PPP2R5A: variants seen among roughly 807,000 people sequenced by gnomAD.
The protein encoded by PPP2R5A is serine/threonine-protein phosphatase 2A 56 kDa regulatory subunit alpha isoform.
Under a neutral mutation model 64.2 loss-of-function variants are expected in PPP2R5A, and 25 were observed. The ratio of observed to expected loss-of-function variants is 0.39; its 90% CI spans 0.28 to 0.54. The LOEUF (loss-of-function observed/expected upper bound fraction) is 0.54. Ranked by LOEUF, PPP2R5A falls within the 20% of genes least tolerant of loss-of-function variation. PPP2R5A has a pLI of 0.67. For synonymous variants in PPP2R5A, 198 were observed against 201.2 expected (o/e 0.98, Z 0.13); for missense variants, 425 against 576.3 (o/e 0.74, Z 2.69).
intron 1 of PPP2R5A, among the ~76,000 whole-genome samples, chr1:212,323,229 G>A (rs955309877): frequency 2.6e-5 from 4 of 152,150 alleles, no homozygotes; most frequent in Non-Finnish European, 5.9e-5. Flanking sequence ...TTGCCTGATA[G>A]CATTACTTTC....
At chr1:212,323,225 G>A (rs1158719093) in intron 1 of PPP2R5A, among the ~76,000 whole-genome samples, 1 of 152,206 alleles carries the variant, frequency 6.6e-6, no homozygotes, top group African/African-American at 2.4e-5. Flanking sequence ...CATTTTGCCT[G>A]ATAGCATTAC....
chr1:212,351,571 G>A (rs536481120), intron 8 of PPP2R5A, among the ~76,000 whole-genome samples: 108 of 152,038 alleles, frequency 7.1e-4, no homozygotes, highest in African/African-American at 2.5e-3. Flanking sequence ...AAAATTAGCC[G>A]GGCGTGATGG....
In PPP2R5A at chr1:212,349,254, A is replaced by T. The variant is rs764368851; in HGVS notation, c.927+12A>T. 1 of 1,548,462 alleles carries T rather than the reference A, an allele frequency of 6.5e-7. No homozygotes were observed. The highest frequency in any genetic ancestry group is 8.8e-7 in the Non-Finnish European group (1 of 1,133,290). ...CACTAACAGAGCCAGTAAGTGTTCTATTTATTTTCATGTTTTTGGTCTGCA... is the reference window on the plus strand; with the variant it reads ...CACTAACAGAGCCAGTAAGTGTTCTTTTTATTTTCATGTTTTTGGTCTGCA... On this transcript the variant is annotated intron_variant, in intron 8 of 12. Transcript: ENST00000261461.
At chr1:212,319,580 T>C (rs1034679598) in intron 1 of PPP2R5A, 2 of 152,106 alleles carry the variant, frequency 1.3e-5, no homozygotes, top group Non-Finnish European at 2.9e-5. Context: ...GCTTTTTACA[T>C]TTAACAGATT....
chr1:212,308,708 T>C (rs1658967915), intron 1 of PPP2R5A, among the ~76,000 whole-genome samples: 1 of 152,092 alleles, frequency 6.6e-6, no homozygotes, highest in Non-Finnish European at 1.5e-5. Context: ...CGCACCTGGC[T>C]GTGTGTTGGT....
intron 5 of PPP2R5A, among the ~76,000 whole-genome samples, chr1:212,346,644 C>T (rs547422594): frequency 6.6e-6 from 1 of 152,058 alleles, no homozygotes; most frequent in South Asian, 2.1e-4. Context: ...GATACAGGGC[C>T]AAGTGTACTT....
At chr1:212,286,520 C>T (rs1254158058) in intron 1 of PPP2R5A, among the ~76,000 whole-genome samples, 3 of 152,152 alleles carry the variant, frequency 2.0e-5, no homozygotes, top group African/African-American at 7.2e-5. Flanking sequence ...GAACTCTTTC[C>T]ATCCTAGGGG....
At chr1:212,334,940 A>C (rs1179836512) in intron 3 of PPP2R5A, among the ~76,000 whole-genome samples, 9 of 152,042 alleles carry the variant, frequency 5.9e-5, no homozygotes, top group African/African-American at 1.7e-4. Context: ...TATTTTTCAT[A>C]ATATTTTATT....
intron 1 of PPP2R5A, among the ~76,000 whole-genome samples, chr1:212,302,387 A>G (rs554571140): frequency 6.6e-6 from 1 of 152,298 alleles, no homozygotes; most frequent in Non-Finnish European, 1.5e-5. Flanking sequence ...AATCTAATTT[A>G]GTATTATAAG....
At chr1:212,313,212 G>A (rs879860551) in intron 1 of PPP2R5A, among the ~76,000 whole-genome samples, 1 of 152,142 alleles carries the variant, frequency 6.6e-6, no homozygotes, top group Non-Finnish European at 1.5e-5. Flanking sequence ...TCACAGTCCT[G>A]TACTGCCTGT....
At chr1:212,321,515 G>T (rs1659293112) in intron 1 of PPP2R5A, among the ~76,000 whole-genome samples, 3 of 149,096 alleles carry the variant, frequency 2.0e-5, no homozygotes, top group Admixed American at 1.3e-4. Context: ...CTCAGACGGG[G>T]CGGTTGCCAG....
rs922667117 is a variant in PPP2R5A at position 212,329,206 on chromosome 1, A to C, written c.253A>C (p.Met85Leu). The C allele has an allele frequency of 6.2e-6, 10 of 1,613,258 alleles. No homozygotes were observed. The highest frequency in any genetic ancestry group is 5.0e-5 in the Admixed American group (3 of 59,870). ...GCAGTGTTGTATACTGTTTGATTTC[A>C]TGGACTCTGTTTCAGACTTGAAGAG... ...LQQCCILFDFMDSVSDLKSKE... is the reference protein window; with the variant it reads ...LQQCCILFDFLDSVSDLKSKE... The change falls in exon 2 of 13, where the codon ATG becomes CTG. Residue 85 changes from methionine (M) to leucine (L), a missense_variant. Around this residue, in one of 4 missense-constraint regions of PPP2R5A, gnomAD observed 140 missense variants for 204.4 expected, o/e 0.68. Coordinates refer to ENST00000261461, the MANE Select transcript of PPP2R5A (RefSeq NM_006243.4).
intron 1 of PPP2R5A, among the ~76,000 whole-genome samples, chr1:212,300,670 TG>T (rs763826302): frequency 2.6e-4 from 39 of 152,124 alleles, no homozygotes; most frequent in Non-Finnish European, 5.1e-4. Flanking sequence ...AATTTCTGAA[TG>T]AAAAAATATT....
chr1:212,348,276 TACA>T (rs1407635581), intron 6 of PPP2R5A, 110 bp from the exon 7 acceptor site: 1 of 691,960 alleles, frequency 1.4e-6, no homozygotes, highest in Non-Finnish European at 2.5e-6. Flanking sequence ...TGAGCAGTCA[TACA>T]ACACCAGGAT....
intron 2 of PPP2R5A, among the ~76,000 whole-genome samples, chr1:212,330,861 A>AC (rs1029563065): frequency 9.5e-5 from 14 of 146,714 alleles, no homozygotes; most frequent in Admixed American, 1.4e-4. Context: ...TCAAAAAAAA[A>AC]TTTTTTTTTT....
intron 1 of PPP2R5A, among the ~76,000 whole-genome samples, chr1:212,315,839 C>T (rs1659140529): frequency 6.6e-6 from 1 of 152,078 alleles, no homozygotes; most frequent in Non-Finnish European, 1.5e-5. Flanking sequence ...ATAGCATGTG[C>T]TCGCTTTGTG....
intron 1 of PPP2R5A, among the ~76,000 whole-genome samples, chr1:212,301,151 C>G (rs1571576990): frequency 1.3e-5 from 2 of 152,310 alleles, no homozygotes; most frequent in South Asian, 4.1e-4. Context: ...GCTGGGATTA[C>G]AGGTACGAGC....
At position 212,334,505 on chromosome 1, in the gene PPP2R5A, G is replaced by A. The variant is rs565033974; in HGVS notation, c.480+907G>A. Among the ~76,000 whole-genome samples the A allele has an allele frequency of 8.5e-5, 13 of 152,244 alleles. No homozygotes were observed. The South Asian group carries it at 2.7e-3, about 32-fold the overall frequency. Reference sequence around the variant, plus strand: ...GATGGGGTTTTGCCATGTTGCCCAGGCTGGTTTCGAACACCTGAGCTCAAG... The same window carrying A: ...GATGGGGTTTTGCCATGTTGCCCAGACTGGTTTCGAACACCTGAGCTCAAG... On this transcript the variant is annotated intron_variant, in intron 3 of 12. Transcript: ENST00000261461.
intron 1 of PPP2R5A, among the ~76,000 whole-genome samples, chr1:212,310,857 A>G (rs575295197): frequency 1.3e-5 from 2 of 152,292 alleles, no homozygotes; most frequent in African/African-American, 4.8e-5. Context: ...AAATGCTGAT[A>G]GGTCCTACTC....
Sources: allele counts gnomAD v4.1 joint callset (sites outside exome capture counted in the v4.1 genomes callset), GRCh38; gene constraint gnomAD v4.1.1; regional missense constraint gnomAD v4.1.1; transcripts MANE v1.5; gene names NCBI Gene and HGNC (gene_info 2026-07-23, HGNC 2026-07-21).